CLDN16: variants seen among roughly 807,000 people sequenced by gnomAD.
CLDN16 encodes the protein claudin 16, also known as claudin-16.
CLDN16 carries 13 observed loss-of-function variants against 24.6 expected under a neutral mutation model. That is an observed-to-expected ratio of 0.53 (90% CI 0.34 to 0.84). The LOEUF (loss-of-function observed/expected upper bound fraction) is 0.84. CLDN16 is among the 40% of genes least tolerant of loss of function. The pLI is 0.01. For missense variants in CLDN16, 298 were observed against 292.7 expected (o/e 1.02, Z -0.13); for synonymous variants, 116 against 106.7 (o/e 1.09, Z -0.54).
At chr3:190,356,271 A>T (rs1308328291) in intron 1 of CLDN16, among the ~76,000 whole-genome samples, 1 of 151,472 alleles carries the variant, frequency 6.6e-6, no homozygotes, top group East Asian at 1.9e-4. Flanking sequence ...ATGTCTCTAC[A>T]TTTTTTTTCA....
At position 190,377,966 on chromosome 3, in the gene CLDN16, T is replaced by C. The variant is rs142693918; in HGVS notation, n.306+3363T>C. Among the ~76,000 whole-genome samples the C allele has an allele frequency of 2.3e-3, 353 of 152,014 alleles. 4 individuals are homozygous for C. Among genetic ancestry groups the C allele is most frequent in the Non-Finnish European group, 3.5e-4 (24 of 67,936 alleles). ...TTTCCAGAAATCTAGCAGAGAAAGA[T>C]ATGGGGATAACAAAGTAGAAGTCTA... On this transcript the variant is annotated intron_variant and non_coding_transcript_variant, in intron 3 of 4. Transcript: ENST00000468220.
intron 3 of CLDN16, among the ~76,000 whole-genome samples, chr3:190,375,187 T>C (rs889037160): frequency 3.9e-5 from 6 of 151,982 alleles, no homozygotes; most frequent in Admixed American, 6.6e-5. Context: ...AACCCTACTT[T>C]TTTCTTTCAT....
intron 1 of CLDN16, among the ~76,000 whole-genome samples, chr3:190,369,756 T>G (rs1224687733): frequency 6.6e-6 from 1 of 151,992 alleles, no homozygotes; most frequent in Non-Finnish European, 1.5e-5. Flanking sequence ...TGTACTTATC[T>G]TTAGGGAAAA....
At chr3:190,327,496 C>G (rs1717089877) in intron 1 of CLDN16, among the ~76,000 whole-genome samples, 1 of 152,088 alleles carries the variant, frequency 6.6e-6, no homozygotes, top group Non-Finnish European at 1.5e-5. Flanking sequence ...AAAAAAGCCA[C>G]TGAATTAGAT....
At chr3:190,301,232 T>G in the CLDN16 span, among the ~76,000 whole-genome samples, 1 of 152,164 alleles carries the variant, frequency 6.6e-6, no homozygotes, top group Non-Finnish European at 1.5e-5. Flanking sequence ...CGGTGACTCA[T>G]GCCTGTAATC....
At chr3:190,341,065 C>T (rs993729287) in intron 1 of CLDN16, among the ~76,000 whole-genome samples, 1 of 152,210 alleles carries the variant, frequency 6.6e-6, no homozygotes, top group Non-Finnish European at 1.5e-5. Context: ...CAGCTGCTTT[C>T]ATGGGCTGGC....
intron 1 of CLDN16, among the ~76,000 whole-genome samples, chr3:190,354,676 A>C (rs924636519): frequency 1.3e-5 from 2 of 152,046 alleles, no homozygotes; most frequent in Non-Finnish European, 2.9e-5. Flanking sequence ...ATGTTTCACA[A>C]GAAGAGATTC....
chr3:190,330,393 T>TA (rs1717157941), intron 1 of CLDN16, among the ~76,000 whole-genome samples: 1 of 152,212 alleles, frequency 6.6e-6, no homozygotes, highest in Non-Finnish European at 1.5e-5. Flanking sequence ...GTCAATATGG[T>TA]AAAAATGGCA....
chr3:190,308,811 A>G, the CLDN16 span, among the ~76,000 whole-genome samples: 1 of 152,206 alleles, frequency 6.6e-6, no homozygotes, highest in South Asian at 2.1e-4. Context: ...AGTAGTAATC[A>G]TATTCTATAA....
At chr3:190,372,770 G>T (rs1189463708) in intron 2 of CLDN16, among the ~76,000 whole-genome samples, 1 of 151,830 alleles carries the variant, frequency 6.6e-6, no homozygotes, top group Non-Finnish European at 1.5e-5. Context: ...CTCCTTAAAG[G>T]AAAACATAAA....
At chr3:190,394,858 A>G (rs1321392821) in intron 1 of CLDN16, among the ~76,000 whole-genome samples, 1 of 152,148 alleles carries the variant, frequency 6.6e-6, no homozygotes, top group African/African-American at 2.4e-5. Context: ...CAGGATATGT[A>G]TTTGGTTCAT....
intron 1 of CLDN16, among the ~76,000 whole-genome samples, chr3:190,343,378 TA>T (rs1174274410): frequency 6.6e-6 from 1 of 151,998 alleles, no homozygotes; most frequent in East Asian, 1.9e-4. Context: ...GGTACAGCCA[TA>T]AAAAAAGTAT....
At chr3:190,365,847 T>TTG (rs1718011651) in intron 1 of CLDN16, among the ~76,000 whole-genome samples, 1 of 151,912 alleles carries the variant, frequency 6.6e-6, no homozygotes, top group Admixed American at 6.6e-5. Flanking sequence ...ATGGTGTGAC[T>TTG]TAACCCTGCT....
the CLDN16 span, among the ~76,000 whole-genome samples, chr3:190,291,059 G>A: frequency 6.6e-6 from 1 of 152,108 alleles, no homozygotes; most frequent in Non-Finnish European, 1.5e-5. Flanking sequence ...TGACATTTGA[G>A]CATAATGAAT....
intron 1 of CLDN16, among the ~76,000 whole-genome samples, chr3:190,395,672 T>G (rs1429532145): frequency 6.6e-6 from 1 of 152,086 alleles, no homozygotes; most frequent in Non-Finnish European, 1.5e-5. Context: ...AGCACATGGA[T>G]AGTAAAGTGG....
chr3:190,359,347 A>G (rs1717840541), intron 1 of CLDN16, among the ~76,000 whole-genome samples: 1 of 152,068 alleles, frequency 6.6e-6, no homozygotes, highest in African/African-American at 2.4e-5. Flanking sequence ...ATGCCTATGC[A>G]GTATTGTCAC....
intron 1 of CLDN16, among the ~76,000 whole-genome samples, chr3:190,361,065 T>C (rs977537232): frequency 1.3e-5 from 2 of 152,058 alleles, no homozygotes; most frequent in African/African-American, 4.8e-5. Context: ...ATTTTATTTA[T>C]GTTAAAATGT....
At chr3:190,367,331 T>C (rs534815941) in intron 1 of CLDN16, among the ~76,000 whole-genome samples, 1 of 151,962 alleles carries the variant, frequency 6.6e-6, no homozygotes, top group Non-Finnish European at 1.5e-5. Context: ...TTTTAGATAG[T>C]TGATACTTAA....
At chr3:190,409,826 A>G in intron 4 of CLDN16, 77 bp from the exon 5 acceptor site, 3 of 1,356,544 alleles carry the variant, frequency 2.2e-6, no homozygotes, top group Non-Finnish European at 3.1e-6. Context: ...CCTTTTGAGG[A>G]AGAACATATA....
Sources: gnomAD v4.1 joint callset for allele counts (sites outside exome capture counted in the v4.1 genomes callset) on GRCh38, gnomAD v4.1.1 for gene constraint, MANE v1.5 for transcripts, NCBI Gene and HGNC (gene_info 2026-07-23, HGNC 2026-07-21) for gene names.